Variants in CTNNA3 observed in about 807,000 individuals in gnomAD.
CTNNA3 encodes catenin alpha-3.
CTNNA3 carries 76 observed loss-of-function variants against 95.7 expected under a neutral mutation model. The ratio of observed to expected loss-of-function variants is 0.79; its 90% CI spans 0.66 to 0.96. CTNNA3 has a LOEUF of 0.96. Ranked by LOEUF, CTNNA3 falls within the 40% of genes least tolerant of loss-of-function variation. CTNNA3 has a pLI of 0.00. For missense variants in CTNNA3, 1,191 were observed against 1,089.8 expected, an observed-to-expected ratio of 1.09 and a Z score of -1.31; for synonymous variants, 431 against 374.4, an observed-to-expected ratio of 1.15 and a Z score of -1.74.
At chr10:66,050,351 A>G (rs1433991152) in intron 15 of CTNNA3, among the ~76,000 whole-genome samples, 3 of 150,082 alleles carry the variant, frequency 2.0e-5, no homozygotes, top group Non-Finnish European at 4.4e-5. Flanking sequence ...AAAAAAAAAT[A>G]GCACCAATAT....
intron 6 of CTNNA3, among the ~76,000 whole-genome samples, chr10:67,181,253 T>G (rs905613925): frequency 1.3e-5 from 2 of 152,214 alleles, no homozygotes; most frequent in African/African-American, 4.8e-5. Context: ...TATTATAACT[T>G]CCAGCTATTT....
intron 11 of CTNNA3, among the ~76,000 whole-genome samples, chr10:66,472,471 CTG>C (rs754550867): frequency 1.3e-5 from 2 of 151,950 alleles, no homozygotes; most frequent in Non-Finnish European, 1.5e-5. Flanking sequence ...AATTTGGGGA[CTG>C]TGGCTGGTTT....
chr10:67,712,398 C>T (rs1360470753), intron 1 of CTNNA3, among the ~76,000 whole-genome samples: 1 of 152,170 alleles, frequency 6.6e-6, no homozygotes. Context: ...CAAGGCATAC[C>T]AGAGGTCTCC....
At chr10:65,982,896 C>G (rs2133307826) in intron 16 of CTNNA3, among the ~76,000 whole-genome samples, 1 of 151,320 alleles carries the variant, frequency 6.6e-6, no homozygotes, top group South Asian at 2.1e-4. Context: ...ATAATGAAGG[C>G]TCCAGAAGCT....
At chr10:67,440,860 C>T (rs918504965) in intron 5 of CTNNA3, among the ~76,000 whole-genome samples, 1 of 151,952 alleles carries the variant, frequency 6.6e-6, no homozygotes, top group Non-Finnish European at 1.5e-5. Context: ...GAGAACACTA[C>T]AATAAATACC....
At chr10:67,104,595 T>C (rs1162093832) in intron 7 of CTNNA3, among the ~76,000 whole-genome samples, 1 of 152,102 alleles carries the variant, frequency 6.6e-6, no homozygotes, top group South Asian at 2.1e-4. Context: ...TCGACTCCAT[T>C]AGTGTCTCAG....
At chr10:66,137,319 G>T (rs143981412) in intron 13 of CTNNA3, among the ~76,000 whole-genome samples, 203 of 152,098 alleles carry the variant, frequency 1.3e-3, no homozygotes, top group Non-Finnish European at 1.9e-3. Flanking sequence ...GGAAAATCCA[G>T]AATGTTAGAT....
At chr10:66,742,776 C>T (rs1849371058) in intron 9 of CTNNA3, among the ~76,000 whole-genome samples, 1 of 152,192 alleles carries the variant, frequency 6.6e-6, no homozygotes, top group Non-Finnish European at 1.5e-5. Flanking sequence ...ATTATCAAGA[C>T]AAAGCGTCCT....
At chr10:65,939,974 T>C (rs1156230383) in intron 17 of CTNNA3, among the ~76,000 whole-genome samples, 3 of 152,170 alleles carry the variant, frequency 2.0e-5, no homozygotes, top group Admixed American at 6.5e-5. Flanking sequence ...TCAAATGGAA[T>C]TGAGCAATGG....
intron 5 of CTNNA3, among the ~76,000 whole-genome samples, chr10:67,335,986 T>G (rs1399658086): frequency 1.3e-5 from 2 of 152,326 alleles, no homozygotes; most frequent in African/African-American, 4.8e-5. Context: ...TGTCACATTT[T>G]GGTAATTTCC....
chr10:67,365,070 A>G (rs966754046), intron 5 of CTNNA3, among the ~76,000 whole-genome samples: 5 of 152,110 alleles, frequency 3.3e-5, no homozygotes, highest in African/African-American at 1.2e-4. Flanking sequence ...AAATAATACC[A>G]CACATCTACA....
At chr10:66,176,533 T>A (rs957110533) in intron 13 of CTNNA3, among the ~76,000 whole-genome samples, 2 of 152,070 alleles carry the variant, frequency 1.3e-5, no homozygotes, top group Non-Finnish European at 1.5e-5. Context: ...TTCACAAAAA[T>A]TCACAAAAAG....
At chr10:67,259,721 G>C (rs1431123986) in intron 5 of CTNNA3, among the ~76,000 whole-genome samples, 1 of 152,036 alleles carries the variant, frequency 6.6e-6, no homozygotes, top group Non-Finnish European at 1.5e-5. Flanking sequence ...CTATGTTTTT[G>C]CCTAATTGGC....
At chr10:67,564,920 T>C (rs1293561271) in intron 3 of CTNNA3, among the ~76,000 whole-genome samples, 1 of 110,564 alleles carries the variant, frequency 9.0e-6, no homozygotes, top group Non-Finnish European at 1.6e-5. Flanking sequence ...GGAATCTCCC[T>C]GAAAATAAGA....
At chr10:66,309,906 A>T (rs867233717) in intron 12 of CTNNA3, among the ~76,000 whole-genome samples, 28 of 135,850 alleles carry the variant, frequency 2.1e-4, no homozygotes, top group East Asian at 1.7e-3. Flanking sequence ...AAAGATACAA[A>T]AAATAAATAA....
At position 67,345,652 on chromosome 10, in the gene CTNNA3, C is replaced by A. The variant is rs1448640917; in HGVS notation, c.580-125782G>T. Among the ~76,000 whole-genome samples the A allele has an allele frequency of 2.0e-5, 3 of 151,948 alleles. No homozygotes were observed. The East Asian group carries it at 5.8e-4, about 29-fold the overall frequency. ...TGATATAAATGTATCTACTTCTGCT[C>A]TTTTTTAGTTTCCATTTGCATGGAA... On this transcript the variant is annotated intron_variant, in intron 5 of 17. Transcript: ENST00000433211.
At chr10:67,658,641 C>T (rs537179609) in intron 1 of CTNNA3, among the ~76,000 whole-genome samples, 1 of 152,138 alleles carries the variant, frequency 6.6e-6, no homozygotes, top group Non-Finnish European at 1.5e-5. Context: ...ATTCCTAATG[C>T]ACAACAGCCT....
chr10:67,310,113 T>C (rs747347433), intron 5 of CTNNA3, among the ~76,000 whole-genome samples: 2 of 152,084 alleles, frequency 1.3e-5, no homozygotes, highest in Non-Finnish European at 2.9e-5. Context: ...AATAAGTAGG[T>C]GGAGATAAGG....
chr10:67,159,069 A>T (rs980149784), intron 7 of CTNNA3, among the ~76,000 whole-genome samples: 12 of 152,208 alleles, frequency 7.9e-5, no homozygotes, highest in Non-Finnish European at 1.6e-4. Flanking sequence ...CAGTAGTTAA[A>T]AATCAACTCA....
Sources: gnomAD v4.1 joint callset for allele counts (sites outside exome capture counted in the v4.1 genomes callset) on GRCh38, gnomAD v4.1.1 for gene constraint, MANE v1.5 for transcripts, NCBI Gene and HGNC (gene_info 2026-07-23, HGNC 2026-07-21) for gene names.